TMEM229B: variants seen among roughly 807,000 people sequenced by gnomAD.
The protein encoded by TMEM229B is transmembrane protein 229B.
A neutral mutation model predicts 13.7 loss-of-function variants in TMEM229B; 6 were observed. The ratio of observed to expected loss-of-function variants is 0.44; its 90% CI spans 0.24 to 0.86. TMEM229B has a LOEUF of 0.86. TMEM229B is among the 40% of genes least tolerant of loss of function. The pLI is 0.23. For synonymous variants in TMEM229B, 107 were observed against 102.1 expected (o/e 1.05, Z -0.29); for missense variants, 170 against 236.0 (o/e 0.72, Z 1.83).
intron 1 of TMEM229B, among the ~76,000 whole-genome samples, chr14:67,512,018 G>A (rs2033043501): frequency 6.6e-6 from 1 of 152,230 alleles, no homozygotes; most frequent in Non-Finnish European, 1.5e-5. Flanking sequence ...TATACGTCTT[G>A]AACCAAACAC....
chr14:67,473,514 C>T lies in TMEM229B; in HGVS notation c.410G>A (p.Arg137His). Residue 137 changes from arginine to histidine, a missense_variant, in exon 3 of 3, where the codon CGC becomes CAC. By Grantham distance (29) the Arg-to-His change is conservative. Around this residue, in one of 4 missense-constraint regions of TMEM229B, gnomAD observed 70 missense variants for 60.9 expected, o/e 1.15. Coordinates refer to ENST00000554480, the MANE Select transcript of TMEM229B (RefSeq NM_001348543.2). This position sits in a 1 kb window ranked among gnomAD's most constrained non-coding sequence, Gnocchi z 6.5. ...GTCGAAGCGGAGGCGGAGGGTGTTG[C>T]GGATGATGAACTGCTCCATGATGAG... ...GALIMEQFIIRNTLRLRFDKD... is the reference protein window; with the variant it reads ...GALIMEQFIIHNTLRLRFDKD... 1.2e-6 allele frequency: 2 copies of T among 1,614,092 alleles called. No homozygotes were observed. The highest frequency in any genetic ancestry group is 1.7e-6 in the Non-Finnish European group (2 of 1,180,006).
chr14:67,490,068 C>T, upstream of TMEM229B, among the ~76,000 whole-genome samples: 1 of 152,286 alleles, frequency 6.6e-6, no homozygotes, highest in East Asian at 1.9e-4. Context: ...AAAATTTCTG[C>T]TGGATGGATG....
Position 67,473,380 on chromosome 14 carries a change from G to A in TMEM229B, c.*40C>T, listed in dbSNP as rs1413240687. On this transcript the variant is annotated 3_prime_UTR_variant, in exon 3 of 3. Transcript: ENST00000554480. This position sits in a 1 kb window ranked among gnomAD's most constrained non-coding sequence, Gnocchi z 6.5. ...ACCAGCTTGGTCTCTTTGTCCATGA[G>A]TTCCATGAGAGATCCCCAGGCCCCC... is the stretch of plus-strand genomic sequence containing the variant. 6.2e-7 allele frequency: 1 copy of A among 1,600,284 alleles called. No individual in the cohort carries two copies. The highest frequency in any genetic ancestry group is 8.5e-7 in the Non-Finnish European group (1 of 1,173,800).
intron 1 of TMEM229B, among the ~76,000 whole-genome samples, chr14:67,488,041 C>T (rs1293749895): frequency 1.3e-5 from 2 of 152,254 alleles, no homozygotes; most frequent in African/African-American, 4.8e-5. Flanking sequence ...CCCCTGGATA[C>T]AACACCATCT....
rs1413570637 is a variant in TMEM229B, at chr14:67,472,010, C to T, written c.*1410G>A. The T allele has an allele frequency of 6.6e-6, 1 of 152,312 alleles. No individual in the cohort carries two copies. Among genetic ancestry groups the T allele is most frequent in the Admixed American group, 6.5e-5 (1 of 15,286 alleles). 9.4% of individuals were successfully genotyped at this position (152,312 alleles called of 1,614,324 possible). ...AGTGAGTATTTCACCTGTCCACTGC[C>T]AGCAATGGACCTGTCACAGGACAAA... is the stretch of plus-strand genomic sequence containing the variant. On this transcript the variant is annotated 3_prime_UTR_variant, in exon 3 of 3. Transcript: ENST00000554480.
intron 2 of TMEM229B, among the ~76,000 whole-genome samples, chr14:67,481,848 C>T (rs2031607647): frequency 6.6e-6 from 1 of 152,174 alleles, no homozygotes; most frequent in Non-Finnish European, 1.5e-5. Flanking sequence ...ACCGGCAGCT[C>T]AGGGGACCTT....
intron 1 of TMEM229B, among the ~76,000 whole-genome samples, chr14:67,487,789 T>G (rs946881433): frequency 1.3e-5 from 2 of 151,984 alleles, no homozygotes; most frequent in Non-Finnish European, 2.9e-5. Context: ...CCCTTTGCCA[T>G]GTACTTTAAA....
rs2030818147 is a variant in TMEM229B, at chr14:67,472,568, A to T, written c.*852T>A. ...TCAGGAACTCCCCAGGCATCAGGCC[A>T]GCCGGAACAGTGGAGGGAAGGGCTG... On this transcript the variant is annotated 3_prime_UTR_variant, in exon 3 of 3. Coordinates refer to ENST00000554480, the MANE Select transcript of TMEM229B (RefSeq NM_001348543.2). 1 of 152,286 alleles carries T rather than the reference A, an allele frequency of 6.6e-6. No individual in the cohort carries two copies. The highest frequency in any genetic ancestry group is 1.5e-5 in the Non-Finnish European group (1 of 68,206). 9.4% of individuals were successfully genotyped at this position (152,286 alleles called of 1,614,324 possible). A position where few individuals can be genotyped will look rare whatever the true frequency, so the allele number is the denominator to read the frequency against.
Position 67,473,193 on chromosome 14 carries a change from G to A in TMEM229B, c.*227C>T. On this transcript the variant is annotated 3_prime_UTR_variant, in exon 3 of 3. Coordinates refer to ENST00000554480, the MANE Select transcript of TMEM229B (RefSeq NM_001348543.2). This position sits in a 1 kb window ranked among gnomAD's most constrained non-coding sequence, Gnocchi z 6.5. Reference sequence around the variant, plus strand: ...ACCCCTGAACTGGGCCGCGATCCATGGACCCTTCCCAATGTCCCTCTGCTG... The same window carrying A: ...ACCCCTGAACTGGGCCGCGATCCATAGACCCTTCCCAATGTCCCTCTGCTG... 1 of 592,432 alleles carries A rather than the reference G, an allele frequency of 1.7e-6. No homozygotes were observed. The highest frequency in any genetic ancestry group is 2.0e-5 in the South Asian group (1 of 49,354). 36.7% of individuals were successfully genotyped at this position (592,432 alleles called of 1,614,324 possible).
intron 1 of TMEM229B, among the ~76,000 whole-genome samples, chr14:67,524,149 T>G (rs2033332466): frequency 1.3e-5 from 2 of 152,198 alleles, no homozygotes; most frequent in Non-Finnish European, 2.9e-5. Context: ...ATTTATTTTT[T>G]TAATAAGTGA....
chr14:67,478,269 A>G (rs1373201000), intron 2 of TMEM229B, among the ~76,000 whole-genome samples: 1 of 152,146 alleles, frequency 6.6e-6, no homozygotes, highest in African/African-American at 2.4e-5. Context: ...GTGGTTCAAG[A>G]CCCTGGCTAA....
chr14:67,473,210 C>T lies in TMEM229B; in HGVS notation c.*210G>A, dbSNP rs1313390418. The T allele has an allele frequency of 1.6e-6, 1 of 639,430 alleles. No homozygotes were observed. Among genetic ancestry groups the T allele is most frequent in the East Asian group, 2.9e-5 (1 of 34,828 alleles). 39.6% of individuals were successfully genotyped at this position (639,430 alleles called of 1,614,324 possible). ...CGATCCATGGACCCTTCCCAATGTC[C>T]CTCTGCTGCCTCCACACCCCATCCC... On this transcript the variant is annotated 3_prime_UTR_variant, in exon 3 of 3. Transcript: ENST00000554480. The surrounding 1 kb of genome is among the most constrained non-coding windows in gnomAD (Gnocchi z 6.5).
chr14:67,528,708 G>A (rs988832847), intron 1 of TMEM229B, among the ~76,000 whole-genome samples: 4 of 151,844 alleles, frequency 2.6e-5, no homozygotes, highest in South Asian at 2.1e-4. Context: ...TCTCTTGCCC[G>A]TATAACCCGC....
At chr14:67,496,391 G>GCTT (rs2032369205) in intron 1 of TMEM229B, among the ~76,000 whole-genome samples, 2 of 30,108 alleles carry the variant, frequency 6.6e-5, no homozygotes, top group African/African-American at 2.6e-4. Flanking sequence ...CTGCTCCGGC[G>GCTT]TTTTTTTTTT....
chr14:67,487,573 T>C (rs1035459563), intron 1 of TMEM229B, among the ~76,000 whole-genome samples: 3 of 152,192 alleles, frequency 2.0e-5, no homozygotes. Flanking sequence ...AGGCAGACAA[T>C]GTAGGACATT....
Position 67,509,787 on chromosome 14 carries a change from G to T in TMEM229B, c.-192+5299C>A, listed in dbSNP as rs1248819237. Among the ~76,000 whole-genome samples the T allele has an allele frequency of 2.6e-5, 4 of 152,032 alleles. 1 individual carries two copies. On this transcript the variant is annotated intron_variant, in intron 1 of 2. Transcript: ENST00000357461. ...TTTGGGAGGCTGAGGCAGGAGGATT[G>T]CTTGAGGCCAGGAGTTTGAGACCAG...
rs2032021351 is a variant in TMEM229B, at chr14:67,488,655, A to G, written c.-339T>C. On this transcript the variant is annotated 5_prime_UTR_variant, in exon 1 of 3. Coordinates refer to ENST00000554480, the MANE Select transcript of TMEM229B (RefSeq NM_001348543.2). ...CAAGGACCATGTGCCTGGGGAGTTC[A>G]ATCCCACCTGTGGAGACTTCTCCCC... is the stretch of plus-strand genomic sequence containing the variant. The G allele has an allele frequency of 6.6e-6, 1 of 152,430 alleles. No homozygotes were observed. Among genetic ancestry groups the G allele is most frequent in the East Asian group, 1.9e-4 (1 of 5,192 alleles). 9.4% of individuals were successfully genotyped at this position (152,430 alleles called of 1,614,324 possible).
At chr14:67,518,139 C>A (rs963150640), upstream of TMEM229B, among the ~76,000 whole-genome samples, 4 of 152,300 alleles carry the variant, frequency 2.6e-5, no homozygotes, top group Non-Finnish European at 5.9e-5. Context: ...GGGCCTGGAA[C>A]AAACCACCCC....
intron 1 of TMEM229B, among the ~76,000 whole-genome samples, chr14:67,525,452 T>C (rs944005230): frequency 9.9e-5 from 15 of 152,262 alleles, no homozygotes; most frequent in African/African-American, 3.4e-4. Flanking sequence ...GACATTTCAA[T>C]TGGATCCTTT....
Sources: allele counts gnomAD v4.1 joint callset (sites outside exome capture counted in the v4.1 genomes callset), GRCh38; gene constraint gnomAD v4.1.1; regional missense constraint gnomAD v4.1.1; non-coding constraint Gnocchi (gnomAD v3.1); transcripts MANE v1.5; gene names NCBI Gene and HGNC (gene_info 2026-07-23, HGNC 2026-07-21).